The following LPP variants were observed in gnomAD, a reference collection of about 807,000 sequenced individuals.
The protein encoded by LPP is LIM domain containing preferred translocation partner in lipoma.
Under a neutral mutation model 60.4 loss-of-function variants are expected in LPP, and 38 were observed. The ratio of observed to expected loss-of-function variants is 0.63; its 90% confidence interval spans 0.49 to 0.83. The LOEUF is 0.83. Among genes scored for constraint, LPP ranks in the 40% least tolerant of loss-of-function variants. The pLI is 0.00. For missense variants in LPP, 902 were observed against 783.6 expected, an observed-to-expected ratio of 1.15 and a Z score of -1.80; for synonymous variants, 328 against 290.8, an observed-to-expected ratio of 1.13 and a Z score of -1.30.
At chr3:188,717,137 G>T (rs1244763425) in intron 8 of LPP, among the ~76,000 whole-genome samples, 1 of 152,160 alleles carries the variant, frequency 6.6e-6, no homozygotes, top group African/African-American at 2.4e-5. Context: ...TCATAAAGCA[G>T]GTAAGTAGCA....
chr3:188,265,883 G>GTA (rs1735353809), intron 2 of LPP, among the ~76,000 whole-genome samples: 2 of 151,472 alleles, frequency 1.3e-5, no homozygotes, highest in South Asian at 4.2e-4. Flanking sequence ...GTGTGTGTGT[G>GTA]TGTGTGTGTG....
chr3:188,214,654 A>T (rs774403997), intron 1 of LPP, among the ~76,000 whole-genome samples: 10 of 152,180 alleles, frequency 6.6e-5, no homozygotes, highest in Non-Finnish European at 1.3e-4. Context: ...ACTCCCAGGA[A>T]CCTGTACACA....
chr3:188,542,493 T>C (rs146386125), intron 6 of LPP, among the ~76,000 whole-genome samples: 1 of 152,294 alleles, frequency 6.6e-6, no homozygotes, highest in East Asian at 1.9e-4. Context: ...TTCCCTCCTG[T>C]GATTATTTTT....
Position 188,884,269 on chromosome 3 carries a change from T to C in LPP, c.*9790T>C, listed in dbSNP as rs1770404702. 4.3e-6 allele frequency: 1 copy of C among 229,986 alleles called. No homozygotes were observed. Among genetic ancestry groups the C allele is most frequent in the African/African-American group, 2.2e-5 (1 of 45,130 alleles). The allele number at this position is 229,986 out of a possible 1,614,324, so 14.2% of individuals were successfully genotyped here. On this transcript the variant is annotated 3_prime_UTR_variant, in exon 12 of 12. Coordinates refer to ENST00000617246, the MANE Select transcript of LPP (RefSeq NM_001375462.1). ...TGGCAGATTTGGGGATATAACCAGG[T>C]CTTGCAAGTCCAGTGCTGTCTCCAA... is the stretch of plus-strand genomic sequence containing the variant.
rs538966952 is a variant in LPP at position 188,252,303 on chromosome 3, A to C, written c.-67+26776A>C. On this transcript the variant is annotated intron_variant, in intron 2 of 11. Transcript: ENST00000617246. The stretch of plus-strand genomic sequence containing the variant: ...GTAAATTTTTTTTCTTTTTTTTTGC[A>C]CTCCCTCTCTTCTTTTCTTCTTCTC... Among the ~76,000 whole-genome samples the C allele has an allele frequency of 5.6e-4, 64 of 113,682 alleles. No individual in the cohort carries two copies. The South Asian group carries it at 8.1e-3, about 14-fold the overall frequency. The allele number at this position is 113,682 out of a possible 152,430, so 74.6% of individuals were successfully genotyped here.
intron 4 of LPP, among the ~76,000 whole-genome samples, chr3:188,482,482 C>CCAAATGAA (rs1805082180): frequency 6.6e-6 from 1 of 152,044 alleles, no homozygotes; most frequent in African/African-American, 2.4e-5. Flanking sequence ...TTTTTTCATG[C>CCAAATGAA]AGTCTGTGGC....
chr3:188,465,242 T>C (rs988764335), intron 4 of LPP, among the ~76,000 whole-genome samples: 1 of 152,206 alleles, frequency 6.6e-6, no homozygotes, highest in Non-Finnish European at 1.5e-5. Flanking sequence ...TGGATTACTC[T>C]GTTTTTATTT....
At chr3:188,241,197 T>A (rs569438538) in intron 2 of LPP, among the ~76,000 whole-genome samples, 2 of 152,300 alleles carry the variant, frequency 1.3e-5, no homozygotes, top group South Asian at 2.1e-4. Context: ...TGGATAGAAC[T>A]ACTGATATAG....
intron 3 of LPP, among the ~76,000 whole-genome samples, chr3:188,397,805 G>A (rs898597406): frequency 1.3e-5 from 2 of 151,920 alleles, no homozygotes; most frequent in African/African-American, 4.8e-5. Flanking sequence ...GTTGAGAAGG[G>A]GTTTCAACAT....
At chr3:188,710,922 A>AT (rs1866501500) in intron 8 of LPP, 1 of 152,136 alleles carries the variant, frequency 6.6e-6, no homozygotes, top group South Asian at 2.1e-4. Flanking sequence ...CTAAACCTTC[A>AT]TTTTTGTTTT....
chr3:188,605,206 G>A (rs1842164609), intron 6 of LPP, among the ~76,000 whole-genome samples: 1 of 152,176 alleles, frequency 6.6e-6, no homozygotes, highest in Admixed American at 6.6e-5. Context: ...TGGGAGACCA[G>A]TTTGGATGTT....
At chr3:188,176,554 A>G (rs1231401536) in intron 1 of LPP, among the ~76,000 whole-genome samples, 2 of 152,074 alleles carry the variant, frequency 1.3e-5, no homozygotes, top group South Asian at 2.1e-4. Context: ...CTGGCCACAA[A>G]CTTGTTTTTC....
chr3:188,484,726 A>G (rs748597890), intron 5 of LPP, 22 bp downstream of exon 5: 3 of 1,547,022 alleles, frequency 1.9e-6, no homozygotes, highest in Admixed American at 1.7e-5. Context: ...AGTTAAAGTC[A>G]TGTTAGGTAA....
intron 2 of LPP, among the ~76,000 whole-genome samples, chr3:188,283,484 G>A (rs1742828094): frequency 6.6e-6 from 1 of 152,176 alleles, no homozygotes; most frequent in Non-Finnish European, 1.5e-5. Flanking sequence ...CCTCCCAACA[G>A]CACTGTTGAG....
intron 8 of LPP, among the ~76,000 whole-genome samples, chr3:188,739,070 A>G (rs550684833): frequency 5.3e-4 from 81 of 152,274 alleles, no homozygotes; most frequent in African/African-American, 1.9e-3. Context: ...AGGCAATTAG[A>G]TAAATGCCTA....
chr3:188,278,864 G>A (rs915647870), intron 2 of LPP, among the ~76,000 whole-genome samples: 3 of 152,086 alleles, frequency 2.0e-5, no homozygotes, highest in South Asian at 2.1e-4. Flanking sequence ...AAAGCATCAC[G>A]CTCTCCAGGG....
At chr3:188,532,480 G>C (rs913409064) in intron 6 of LPP, among the ~76,000 whole-genome samples, 1 of 152,140 alleles carries the variant, frequency 6.6e-6, no homozygotes. Flanking sequence ...GAGTAGCATA[G>C]AGGAAAGAGG....
intron 2 of LPP, among the ~76,000 whole-genome samples, chr3:188,240,384 A>G (rs1723826312): frequency 6.7e-6 from 1 of 150,076 alleles, no homozygotes; most frequent in African/African-American, 2.5e-5. Flanking sequence ...TGTGAGAGAG[A>G]GACAGAGAGA....
At chr3:188,730,980 T>C (rs1482531555) in intron 8 of LPP, among the ~76,000 whole-genome samples, 2 of 152,236 alleles carry the variant, frequency 1.3e-5, no homozygotes, top group African/African-American at 4.8e-5. Context: ...AAGGACCTAC[T>C]TGATTAGATA....
Sources: gnomAD v4.1 joint callset for allele counts (sites outside exome capture counted in the v4.1 genomes callset) on GRCh38, gnomAD v4.1.1 for gene constraint, MANE v1.5 for transcripts, NCBI Gene and HGNC (gene_info 2026-07-23, HGNC 2026-07-21) for gene names.